The following XKR6 variants were observed in gnomAD, a reference collection of about 807,000 sequenced individuals.
XKR6 encodes the protein XK related 6, also known as XK-related protein 6.
Under a neutral mutation model 56.7 loss-of-function variants are expected in XKR6, and 22 were observed. The ratio of observed to expected loss-of-function variants is 0.39; its 90% confidence interval spans 0.28 to 0.55. XKR6 has a LOEUF of 0.55. Among genes scored for constraint, XKR6 ranks in the 20% least tolerant of loss-of-function variants. The probability of loss-of-function intolerance (pLI) is 0.66; values close to 1 mark genes in which losing one functional copy is unlikely to be tolerated. For synonymous variants in XKR6, 524 were observed against 387.8 expected (o/e 1.35, Z -4.13); for missense variants, 852 against 889.0 (o/e 0.96, Z 0.53).
intron 1 of XKR6, among the ~76,000 whole-genome samples, chr8:11,047,554 T>G (rs987210074): frequency 5.3e-5 from 8 of 152,126 alleles, no homozygotes; most frequent in Non-Finnish European, 1.0e-4. Context: ...TCCACATCTG[T>G]GAGGTCCCTA....
Position 10,993,227 on chromosome 8 carries a change from C to T in XKR6, c.765-68397G>A, listed in dbSNP as rs184416277. 3.2e-3 allele frequency among the ~76,000 whole-genome samples: 494 copies of T among 152,350 alleles called. 6 individuals carry two copies. Among genetic ancestry groups the T allele is most frequent in the African/African-American group, 0.011 (469 of 41,588 alleles). Reference sequence around the variant, plus strand: ...CTCGCGCCCAGGCGAGGCTGGGATGCTTTTTATTCAAGTCACATTGAATGC... The same window carrying T: ...CTCGCGCCCAGGCGAGGCTGGGATGTTTTTTATTCAAGTCACATTGAATGC... On this transcript the variant is annotated intron_variant, in intron 1 of 2. Transcript: ENST00000416569.
intron 1 of XKR6, among the ~76,000 whole-genome samples, chr8:10,980,814 G>A (rs1586386955): frequency 6.6e-6 from 1 of 151,998 alleles, no homozygotes. Flanking sequence ...ATCTATTCCT[G>A]TTGCATGGAT....
At chr8:11,080,022 A>C (rs1345591580) in intron 1 of XKR6, among the ~76,000 whole-genome samples, 1 of 151,612 alleles carries the variant, frequency 6.6e-6, no homozygotes, top group Non-Finnish European at 1.5e-5. Context: ...AAAGTTGAAA[A>C]ATAAAATAAT....
intron 1 of XKR6, among the ~76,000 whole-genome samples, chr8:11,158,049 G>C (rs1801610379): frequency 6.6e-6 from 1 of 152,156 alleles, no homozygotes; most frequent in Non-Finnish European, 1.5e-5. Flanking sequence ...TCTATTTCTT[G>C]ATGATGAAGC....
intron 1 of XKR6, among the ~76,000 whole-genome samples, chr8:11,148,885 T>C (rs1469830209): frequency 6.6e-6 from 1 of 152,194 alleles, no homozygotes; most frequent in African/African-American, 2.4e-5. Flanking sequence ...TGAATGAATC[T>C]GAAAATAATT....
At chr8:11,087,424 C>A (rs2129171715) in intron 1 of XKR6, among the ~76,000 whole-genome samples, 1 of 152,300 alleles carries the variant, frequency 6.6e-6, no homozygotes, top group South Asian at 2.1e-4. Flanking sequence ...AGTCCCATTC[C>A]TCTGGCCAGG....
intron 1 of XKR6, among the ~76,000 whole-genome samples, chr8:11,088,127 G>T (rs1224167625): frequency 6.6e-6 from 1 of 152,226 alleles, no homozygotes; most frequent in African/African-American, 2.4e-5. Flanking sequence ...TCTATTCAGT[G>T]TCAGGTCAGA....
intron 1 of XKR6, among the ~76,000 whole-genome samples, chr8:11,117,924 C>T (rs1328693043): frequency 6.6e-6 from 1 of 152,010 alleles, no homozygotes; most frequent in East Asian, 1.9e-4. Flanking sequence ...GCAATATAAA[C>T]CCAAATGAGA....
chr8:10,938,352 C>G (rs199979031), intron 1 of XKR6, among the ~76,000 whole-genome samples: 1 of 152,194 alleles, frequency 6.6e-6, no homozygotes, highest in African/African-American at 2.4e-5. Flanking sequence ...TGCAGAAATC[C>G]CCCGTCTTCT....
At chr8:11,137,613 A>C (rs1021694821) in intron 1 of XKR6, 6 of 456,140 alleles carry the variant, frequency 1.3e-5, no homozygotes, top group Non-Finnish European at 2.6e-5. Flanking sequence ...TCTACACCAA[A>C]TGAACTCAGG....
chr8:11,167,437 T>A (rs1239263489), intron 1 of XKR6, among the ~76,000 whole-genome samples: 1 of 152,206 alleles, frequency 6.6e-6, no homozygotes, highest in Non-Finnish European at 1.5e-5. Context: ...ACAAGGTTCA[T>A]GCTTAAAACT....
intron 1 of XKR6, among the ~76,000 whole-genome samples, chr8:11,113,069 A>G (rs76246948): frequency 0.058 from 8,881 of 152,214 alleles, 782 homozygotes; most frequent in African/African-American, 0.19. Context: ...CACCCTCCAG[A>G]ATGAGATGAA....
intron 1 of XKR6, among the ~76,000 whole-genome samples, chr8:11,178,094 T>TC (rs1802753810): frequency 6.6e-6 from 1 of 151,970 alleles, no homozygotes; most frequent in Admixed American, 6.6e-5. Flanking sequence ...AGCCGGGCCT[T>TC]CCAAACTCCA....
At chr8:11,058,576 C>G (rs1273944787) in intron 1 of XKR6, among the ~76,000 whole-genome samples, 1 of 152,190 alleles carries the variant, frequency 6.6e-6, no homozygotes, top group Non-Finnish European at 1.5e-5. Flanking sequence ...TCTCAGCAAA[C>G]TAACACAGGA....
intron 1 of XKR6, chr8:11,062,854 T>A (rs1586494218): frequency 2.2e-6 from 1 of 456,080 alleles, no homozygotes; most frequent in Admixed American, 2.4e-5. Context: ...TTCTAGCCAA[T>A]GGGAGGTGAG....
chr8:11,076,265 T>C (rs554209247), intron 1 of XKR6, among the ~76,000 whole-genome samples: 11 of 152,268 alleles, frequency 7.2e-5, no homozygotes, highest in Middle Eastern at 3.4e-3. Context: ...ATTTTTAGTT[T>C]TACACAGCGA....
chr8:11,190,829 C>G lies in XKR6; in HGVS notation c.764+9747G>C, dbSNP rs1411173272. On this transcript the variant is annotated intron_variant, in intron 1 of 2. Transcript: ENST00000416569. Reference sequence around the variant, plus strand: ...CCACCAGTGCCATAGGTTACTTTATCACTTTAAGCTCACTTCTTCATCTGT... The same window carrying G: ...CCACCAGTGCCATAGGTTACTTTATGACTTTAAGCTCACTTCTTCATCTGT... 3.3e-5 allele frequency among the ~76,000 whole-genome samples: 5 copies of G among 152,236 alleles called. No homozygotes were observed. In the East Asian group the frequency reaches 9.6e-4, roughly 29 times the overall value.
intron 1 of XKR6, among the ~76,000 whole-genome samples, chr8:11,145,614 G>A (rs1800941785): frequency 6.6e-6 from 1 of 152,098 alleles, no homozygotes; most frequent in Non-Finnish European, 1.5e-5. Flanking sequence ...GACATTAATA[G>A]CATCAACAAT....
At chr8:11,117,303 G>A (rs974712839) in intron 1 of XKR6, among the ~76,000 whole-genome samples, 2 of 152,158 alleles carry the variant, frequency 1.3e-5, no homozygotes, top group East Asian at 1.9e-4. Flanking sequence ...TTTCCTGTCT[G>A]ACACATACGC....
Sources: allele counts gnomAD v4.1 joint callset (sites outside exome capture counted in the v4.1 genomes callset), GRCh38; gene constraint gnomAD v4.1.1; transcripts MANE v1.5; gene names NCBI Gene and HGNC (gene_info 2026-07-23, HGNC 2026-07-21).